Variants in CDH13 observed in about 807,000 individuals in gnomAD.
CDH13 encodes cadherin 13, also known as cadherin-13.
In CDH13, 24 loss-of-function variants were observed where a neutral mutation model predicts 63.8. The observed-to-expected ratio is 0.38, with a 90% confidence interval of 0.27 to 0.53. The LOEUF (loss-of-function observed/expected upper bound fraction) is 0.53, where lower values mean the gene tolerates loss of function less well. Ranked by LOEUF, CDH13 falls within the 20% of genes least tolerant of loss-of-function variation. The pLI is 0.85. For synonymous variants in CDH13, 503 were observed against 355.3 expected (o/e 1.42, Z -4.67); for missense variants, 1,049 against 903.1 (o/e 1.16, Z -2.07).
intron 6 of CDH13, among the ~76,000 whole-genome samples, chr16:83,441,809 C>A (rs183409048): frequency 6.6e-6 from 1 of 152,262 alleles, no homozygotes; most frequent in Admixed American, 6.5e-5. Flanking sequence ...GGACCCTATA[C>A]TCTACTCCAA....
intron 2 of CDH13, among the ~76,000 whole-genome samples, chr16:82,866,848 A>T (rs1446723117): frequency 1.3e-5 from 2 of 152,134 alleles, no homozygotes; most frequent in African/African-American, 4.8e-5. Context: ...AGAACTCACT[A>T]TCACGAGAGC....
intron 2 of CDH13, among the ~76,000 whole-genome samples, chr16:82,957,649 A>G (rs1165801675): frequency 6.6e-6 from 1 of 152,242 alleles, no homozygotes; most frequent in Non-Finnish European, 1.5e-5. Flanking sequence ...CTTTGGACTC[A>G]GAAAGGTCTG....
At chr16:83,245,731 T>C (rs148910534) in intron 5 of CDH13, among the ~76,000 whole-genome samples, 10 of 152,280 alleles carry the variant, frequency 6.6e-5, no homozygotes, top group African/African-American at 2.2e-4. Flanking sequence ...TTTTTTTCCT[T>C]TTATTTTAGT....
chr16:83,535,773 G>C (rs1277139809), intron 7 of CDH13, among the ~76,000 whole-genome samples: 2 of 148,022 alleles, frequency 1.4e-5, no homozygotes, highest in Non-Finnish European at 3.0e-5. Context: ...GCTTAGGACA[G>C]TGCTTGACAC....
At chr16:83,376,082 G>T (rs1467865740) in intron 6 of CDH13, among the ~76,000 whole-genome samples, 3 of 152,090 alleles carry the variant, frequency 2.0e-5, no homozygotes, top group Non-Finnish European at 2.9e-5. Flanking sequence ...TTATTCCTTG[G>T]CTCTGCTTTT....
intron 2 of CDH13, among the ~76,000 whole-genome samples, chr16:82,936,073 T>A (rs970314936): frequency 1.3e-5 from 2 of 152,078 alleles, no homozygotes; most frequent in Admixed American, 1.3e-4. Context: ...GGCTTTCCAG[T>A]TGATTGGCAC....
chr16:83,031,124 A>G (rs1160904433), intron 2 of CDH13, among the ~76,000 whole-genome samples: 1 of 149,738 alleles, frequency 6.7e-6, no homozygotes, highest in Non-Finnish European at 1.5e-5. Flanking sequence ...ACATGTATAC[A>G]TTACATGCAC....
rs36034334 is a variant in CDH13, at chr16:82,794,772, C to G, written c.46-63590C>G. Among the ~76,000 whole-genome samples the G allele has an allele frequency of 2.7e-3, 416 of 152,266 alleles. 3 individuals carry two copies. Among genetic ancestry groups the G allele is most frequent in the Non-Finnish European group, 3.8e-3 (260 of 68,020 alleles). On this transcript the variant is annotated intron_variant, in intron 1 of 13. Transcript: ENST00000567109. ...TTTGAGCTGTTATAATGTTTTATCTCAGAAGTTGTAGAATAATTTAAACCA... is the reference window on the plus strand; with the variant it reads ...TTTGAGCTGTTATAATGTTTTATCTGAGAAGTTGTAGAATAATTTAAACCA...
chr16:83,138,778 G>T (rs1165299882), intron 4 of CDH13, among the ~76,000 whole-genome samples: 2 of 152,258 alleles, frequency 1.3e-5, no homozygotes, highest in South Asian at 4.2e-4. Context: ...CCAGGAGCAG[G>T]GGTGACAAAG....
intron 2 of CDH13, among the ~76,000 whole-genome samples, chr16:82,943,219 T>G (rs536278529): frequency 1.1e-4 from 16 of 152,314 alleles, no homozygotes; most frequent in Non-Finnish European, 2.1e-4. Context: ...CAGACTTTTT[T>G]TCTCATGCAT....
chr16:83,172,931 T>A (rs1443065128), intron 4 of CDH13, among the ~76,000 whole-genome samples: 1 of 152,124 alleles, frequency 6.6e-6, no homozygotes, highest in African/African-American at 2.4e-5. Context: ...AGGGATTTAT[T>A]TGATGCTGAA....
At chr16:83,791,594 C>A (rs537969486) in intron 13 of CDH13, among the ~76,000 whole-genome samples, 107 of 152,224 alleles carry the variant, frequency 7.0e-4, no homozygotes, top group Non-Finnish European at 1.4e-3. Context: ...GGGCGGATCA[C>A]AAGGTCAGGA....
intron 1 of CDH13, among the ~76,000 whole-genome samples, chr16:82,819,818 C>A (rs913577658): frequency 2.6e-5 from 4 of 152,200 alleles, no homozygotes; most frequent in African/African-American, 9.6e-5. Flanking sequence ...GCTTGTAGAA[C>A]TGACATTCTA....
At chr16:83,729,601 C>G (rs427705) in intron 10 of CDH13, among the ~76,000 whole-genome samples, 121,004 of 152,096 alleles carry the variant, frequency 0.8, 48,634 homozygotes, top group African/African-American at 0.87. Context: ...GTGTCCTGGA[C>G]CCAGCTACTT....
intron 3 of CDH13, among the ~76,000 whole-genome samples, chr16:83,034,956 G>A (rs1026944733): frequency 6.6e-6 from 1 of 152,136 alleles, no homozygotes; most frequent in African/African-American, 2.4e-5. Context: ...AGGGGGCGGA[G>A]GCTGCCGTGT....
intron 6 of CDH13, among the ~76,000 whole-genome samples, chr16:83,408,506 C>A (rs1173505810): frequency 6.6e-6 from 1 of 152,094 alleles, no homozygotes; most frequent in African/African-American, 2.4e-5. Context: ...TATAACACAA[C>A]AGTAAATATG....
At chr16:83,579,615 C>T (rs1379603869) in intron 7 of CDH13, among the ~76,000 whole-genome samples, 1 of 152,058 alleles carries the variant, frequency 6.6e-6, no homozygotes, top group South Asian at 2.1e-4. Flanking sequence ...TTGGGGATTA[C>T]AATTCAGCAT....
intron 1 of CDH13, among the ~76,000 whole-genome samples, chr16:82,686,103 G>C (rs1379795178): frequency 6.6e-6 from 1 of 152,184 alleles, no homozygotes; most frequent in East Asian, 1.9e-4. Flanking sequence ...ACCCTTCTCA[G>C]AAATTTGGGT....
intron 8 of CDH13, among the ~76,000 whole-genome samples, chr16:83,631,121 G>A (rs1910742957): frequency 6.6e-6 from 1 of 152,182 alleles, no homozygotes; most frequent in Non-Finnish European, 1.5e-5. Context: ...GTGAATGTAA[G>A]AAAGGCATTT....
Sources: allele counts gnomAD v4.1 joint callset (sites outside exome capture counted in the v4.1 genomes callset), GRCh38; gene constraint gnomAD v4.1.1; transcripts MANE v1.5; gene names NCBI Gene and HGNC (gene_info 2026-07-23, HGNC 2026-07-21).